TFDP1: variants seen among roughly 807,000 people sequenced by gnomAD.
TFDP1 encodes DRTF1-polypeptide 1.
Under a neutral mutation model 48.0 loss-of-function variants are expected in TFDP1, and 6 were observed. That is an observed-to-expected ratio of 0.13 (90% CI 0.07 to 0.25). The LOEUF (loss-of-function observed/expected upper bound fraction) is 0.25. Among genes scored for constraint, TFDP1 ranks in the 10% least tolerant of loss-of-function variants. TFDP1 has a pLI of 1.00. For missense variants in TFDP1, 335 were observed against 543.0 expected (o/e 0.62, Z 3.81); for synonymous variants, 201 against 211.6 (o/e 0.95, Z 0.44).
intron 2 of TFDP1, among the ~76,000 whole-genome samples, chr13:113,588,377 C>G (rs1360458726): frequency 1.3e-5 from 2 of 152,170 alleles, no homozygotes; most frequent in African/African-American, 4.8e-5. Flanking sequence ...ACATCCAAGA[C>G]CTGAGGCTGG....
At chr13:113,635,549 C>T (rs1046330533) in intron 8 of TFDP1, among the ~76,000 whole-genome samples, 4 of 152,300 alleles carry the variant, frequency 2.6e-5, no homozygotes, top group Admixed American at 1.3e-4. Flanking sequence ...AGCACCCCTG[C>T]AGCACATGGG....
At chr13:113,602,555 G>A (rs1429516931) in intron 2 of TFDP1, among the ~76,000 whole-genome samples, 2 of 152,116 alleles carry the variant, frequency 1.3e-5, no homozygotes, top group Non-Finnish European at 2.9e-5. Flanking sequence ...GGGGTCTGGC[G>A]CAGGCCACTC....
intron 5 of TFDP1, 67 bp downstream of exon 5, chr13:113,631,811 T>C (rs2049344138): frequency 6.3e-7 from 1 of 1,589,904 alleles, no homozygotes; most frequent in Non-Finnish European, 8.6e-7. Flanking sequence ...CACGTTCTCC[T>C]GGGCCACGTG....
intron 3 of TFDP1, among the ~76,000 whole-genome samples, chr13:113,619,011 G>A (rs1443603812): frequency 1.3e-5 from 2 of 152,188 alleles, no homozygotes; most frequent in African/African-American, 4.8e-5. Context: ...GTTGCACACA[G>A]GGCAGACTCG....
chr13:113,609,275 G>A (rs1330573843), intron 2 of TFDP1, among the ~76,000 whole-genome samples: 1 of 152,180 alleles, frequency 6.6e-6, no homozygotes, highest in Non-Finnish European at 1.5e-5. Flanking sequence ...GTGGGATGCA[G>A]CCCCCCTGCA....
In TFDP1 at chr13:113,584,760, C is replaced by A. The variant is rs1217048496; in HGVS notation, c.-193C>A. 5.5e-5 allele frequency: 8 copies of A among 146,612 alleles called. No homozygotes were observed. Among genetic ancestry groups the A allele is most frequent in the Non-Finnish European group, 1.1e-4 (7 of 65,946 alleles). 9.1% of individuals were successfully genotyped at this position (146,612 alleles called of 1,614,324 possible). A position where few individuals can be genotyped will look rare whatever the true frequency, so the allele number is the denominator to read the frequency against. On this transcript the variant is annotated 5_prime_UTR_variant, in exon 1 of 12. Transcript: ENST00000375370. ...GCCCCGCGTCCCGGCGCCACTCGGCCCAGGGCAGGGACCCCGCCACGGCCG... is the reference window on the plus strand; with the variant it reads ...GCCCCGCGTCCCGGCGCCACTCGGCACAGGGCAGGGACCCCGCCACGGCCG...
At chr13:113,620,938 T>A (rs545420198) in intron 3 of TFDP1, among the ~76,000 whole-genome samples, 2 of 152,262 alleles carry the variant, frequency 1.3e-5, no homozygotes, top group Non-Finnish European at 2.9e-5. Flanking sequence ...CCTAATGATC[T>A]GTCTTGGCCA....
chr13:113,607,258 C>T lies in TFDP1; in HGVS notation c.13-3738C>T, dbSNP rs2048593423. 6.6e-6 allele frequency among the ~76,000 whole-genome samples: 1 copy of T among 152,232 alleles called. No homozygotes were observed. The highest frequency in any genetic ancestry group is 1.5e-5 in the Non-Finnish European group (1 of 68,042). The stretch of plus-strand genomic sequence containing the variant: ...CCTGCCTCCTGAGCCCAGAGCTTCT[C>T]CAGGAGAAAGCTGAGGAAAGGGGCC... On this transcript the variant is annotated intron_variant, in intron 2 of 11. Transcript: ENST00000375370. This position sits in a 1 kb window ranked among gnomAD's most constrained non-coding sequence, Gnocchi z 5.2.
intron 11 of TFDP1, 124 bp downstream of exon 11, chr13:113,638,020 T>C: frequency 1.5e-6 from 2 of 1,344,148 alleles, no homozygotes; most frequent in African/African-American, 1.5e-5. Context: ...GTGGCTTGTC[T>C]GTCCAGGCAG....
intron 2 of TFDP1, among the ~76,000 whole-genome samples, chr13:113,605,538 T>G (rs189994734): frequency 2.0e-3 from 301 of 152,350 alleles, no homozygotes; most frequent in African/African-American, 7.1e-3. Flanking sequence ...TCCTGGATTC[T>G]CATGCAGTTG....
Position 113,637,856 on chromosome 13 carries a change from A to G in TFDP1, c.1045A>G (p.Thr349Ala). The G allele has an allele frequency of 6.2e-7, 1 of 1,614,090 alleles. No individual in the cohort carries two copies. The highest frequency in any genetic ancestry group is 8.5e-7 in the Non-Finnish European group (1 of 1,180,018). ...AACTGTTGGAGGCGTGTTCATCACG[A>G]CGGCAGGTTCCACGTCTAACGGCAC... ...QGTVGGVFIT[T>A]AGSTSNGTRF... The change falls in exon 11 of 12, where the codon ACG becomes GCG. Residue 349 changes from threonine (T) to alanine (A), a missense_variant. Coordinates refer to ENST00000375370, the MANE Select transcript of TFDP1 (RefSeq NM_007111.5).
At chr13:113,619,238 C>T (rs989068544) in intron 3 of TFDP1, among the ~76,000 whole-genome samples, 4 of 152,206 alleles carry the variant, frequency 2.6e-5, no homozygotes, top group East Asian at 1.9e-4. Flanking sequence ...TTTGGGAGGC[C>T]GAGGCAGGCG....
rs540887266 is a variant in TFDP1, at chr13:113,619,559, C to T, written c.80-3621C>T. Reference sequence around the variant, plus strand: ...AGCCACTGCCACTGCCCTTTCCAGCCTGTACGTCTGGGTGTGGGTCTGAGA... The same window carrying T: ...AGCCACTGCCACTGCCCTTTCCAGCTTGTACGTCTGGGTGTGGGTCTGAGA... On this transcript the variant is annotated intron_variant, in intron 3 of 11. Coordinates refer to ENST00000375370, the MANE Select transcript of TFDP1 (RefSeq NM_007111.5). Among the ~76,000 whole-genome samples the T allele has an allele frequency of 2.0e-5, 3 of 152,100 alleles. No individual in the cohort carries two copies. The South Asian group carries it at 6.2e-4, about 32-fold the overall frequency.
intron 3 of TFDP1, among the ~76,000 whole-genome samples, chr13:113,622,886 G>A (rs2316118): frequency 0.49 from 74,833 of 152,250 alleles, 21,085 homozygotes; most frequent in African/African-American, 0.78. Context: ...TTTCCAGGCC[G>A]TGGTCCCCAC....
intron 2 of TFDP1, among the ~76,000 whole-genome samples, chr13:113,591,222 A>G (rs550782382): frequency 1.6e-4 from 23 of 147,370 alleles, no homozygotes; most frequent in Non-Finnish European, 3.1e-4. Context: ...GGCGCCTGTA[A>G]TCCCAGCTAC....
chr13:113,599,423 AGTTT>A (rs549938067), intron 2 of TFDP1, among the ~76,000 whole-genome samples: 238 of 152,310 alleles, frequency 1.6e-3, no homozygotes, highest in Non-Finnish European at 2.7e-3. Context: ...AAATTTGGAA[AGTTT>A]GTTTGCATTG....
rs749738328 is a variant in TFDP1 at position 113,633,234 on chromosome 13, G to A, written c.423G>A (p.Glu141=). Residue 141 remains glutamate (E), a synonymous_variant, in exon 6 of 12, where the codon GAG becomes GAA. Coordinates refer to ENST00000375370, the MANE Select transcript of TFDP1 (RefSeq NM_007111.5). This position sits in a 1 kb window ranked among gnomAD's most constrained non-coding sequence, Gnocchi z 4.5. Reference sequence around the variant, plus strand: ...CTTCCTACAACGAAGTGGCAGACGAGCTGGTTGCGGAGTTCAGTGCTGCCG... The same window carrying A: ...CTTCCTACAACGAAGTGGCAGACGAACTGGTTGCGGAGTTCAGTGCTGCCG... The part of the protein sequence containing the change: ...GTTSYNEVAD[E]LVAEFSAADN... 2 of 1,613,958 alleles carry A rather than the reference G, an allele frequency of 1.2e-6. No homozygotes were observed. The highest frequency in any genetic ancestry group is 1.7e-6 in the Non-Finnish European group (2 of 1,180,040).
At chr13:113,589,745 T>C (rs2048095188) in intron 2 of TFDP1, among the ~76,000 whole-genome samples, 1 of 152,206 alleles carries the variant, frequency 6.6e-6, no homozygotes, top group Non-Finnish European at 1.5e-5. Context: ...CACGAGTCAG[T>C]CCAGCTGCAG....
At chr13:113,603,315 C>G (rs1305015597) in intron 2 of TFDP1, among the ~76,000 whole-genome samples, 1 of 152,194 alleles carries the variant, frequency 6.6e-6, no homozygotes, top group African/African-American at 2.4e-5. Flanking sequence ...GGGGAGGAGC[C>G]CCCTGGACAC....
Sources: gnomAD v4.1 joint callset for allele counts (sites outside exome capture counted in the v4.1 genomes callset) on GRCh38, gnomAD v4.1.1 for gene constraint, Gnocchi (gnomAD v3.1) non-coding constraint, MANE v1.5 for transcripts, NCBI Gene and HGNC (gene_info 2026-07-23, HGNC 2026-07-21) for gene names.